The following RCAN2 variants were observed in gnomAD, a reference collection of about 807,000 sequenced individuals.
The protein encoded by RCAN2 is calcipressin-2.
Under a neutral mutation model 23.6 loss-of-function variants are expected in RCAN2, and 9 were observed. The ratio of observed to expected loss-of-function variants is 0.38; its 90% confidence interval spans 0.23 to 0.67. The LOEUF is 0.67. Among genes scored for constraint, RCAN2 ranks in the 30% least tolerant of loss-of-function variants. The pLI is 0.51. For missense variants in RCAN2, 273 were observed against 302.3 expected (o/e 0.90, Z 0.72); for synonymous variants, 109 against 115.7 (o/e 0.94, Z 0.37).
chr6:46,431,971 T>C (rs982055865), intron 2 of RCAN2, among the ~76,000 whole-genome samples: 2 of 152,236 alleles, frequency 1.3e-5, no homozygotes, highest in African/African-American at 4.8e-5. Flanking sequence ...AAATTGGATA[T>C]ATTGAAGATC....
chr6:46,435,207 G>T (rs1345244385), intron 2 of RCAN2, among the ~76,000 whole-genome samples: 1 of 152,112 alleles, frequency 6.6e-6, no homozygotes, highest in African/African-American at 2.4e-5. Flanking sequence ...GATTATATAG[G>T]ATTCCCTAAA....
At chr6:46,471,094 G>C (rs775584678) in intron 1 of RCAN2, among the ~76,000 whole-genome samples, 4 of 152,200 alleles carry the variant, frequency 2.6e-5, no homozygotes, top group Non-Finnish European at 5.9e-5. Context: ...AGGTGAGGCT[G>C]GTAAGGAAGA....
chr6:46,325,619 G>T, intron 2 of RCAN2: 2 of 1,440,992 alleles, frequency 1.4e-6, no homozygotes, highest in Non-Finnish European at 1.8e-6. Context: ...GGCTCCTGGA[G>T]CCCGCTCCCA....
intron 2 of RCAN2, among the ~76,000 whole-genome samples, chr6:46,423,113 C>T (rs1020772250): frequency 8.5e-5 from 13 of 152,102 alleles, no homozygotes; most frequent in African/African-American, 3.1e-4. Context: ...TGGGTCTAAG[C>T]ATTAGTATTA....
chr6:46,284,177 T>C (rs1186891619), intron 2 of RCAN2, among the ~76,000 whole-genome samples: 1 of 152,192 alleles, frequency 6.6e-6, no homozygotes, highest in African/African-American at 2.4e-5. Flanking sequence ...ATTTGTACCT[T>C]CTCATTGCAA....
chr6:46,250,721 A>G (rs1766682328), intron 2 of RCAN2, among the ~76,000 whole-genome samples: 4 of 152,182 alleles, frequency 2.6e-5, no homozygotes, highest in African/African-American at 9.6e-5. Context: ...ATAGGAGGAG[A>G]TGCTTATTTT....
At chr6:46,281,264 A>G (rs147471939) in intron 2 of RCAN2, among the ~76,000 whole-genome samples, 1 of 152,306 alleles carries the variant, frequency 6.6e-6, no homozygotes, top group African/African-American at 2.4e-5. Context: ...TGCCTTTATT[A>G]TAGGGGTTTG....
chr6:46,484,882 C>CACTAACACCATCAAGCCCTTAT (rs1768956376), intron 1 of RCAN2, among the ~76,000 whole-genome samples: 20 of 152,046 alleles, frequency 1.3e-4, no homozygotes, highest in Admixed American at 1.3e-3. Flanking sequence ...GGGGCTATCT[C>CACTAACACCATCAAGCCCTTAT]TGGAAAGCAC....
At chr6:46,251,427 G>T (rs1315803706) in intron 2 of RCAN2, among the ~76,000 whole-genome samples, 1 of 152,156 alleles carries the variant, frequency 6.6e-6, no homozygotes, top group African/African-American at 2.4e-5. Context: ...AAAAACTCTT[G>T]TTTCTATATA....
At chr6:46,312,610 C>T (rs1268649539) in intron 2 of RCAN2, among the ~76,000 whole-genome samples, 3 of 152,166 alleles carry the variant, frequency 2.0e-5, no homozygotes, top group Non-Finnish European at 4.4e-5. Flanking sequence ...AACAAATATG[C>T]CTGTCTCCCC....
intron 2 of RCAN2, among the ~76,000 whole-genome samples, chr6:46,365,905 T>A (rs1212042290): frequency 1.3e-5 from 2 of 152,240 alleles, no homozygotes; most frequent in Non-Finnish European, 2.9e-5. Flanking sequence ...TTGGGCATTA[T>A]GCTAGCTAGG....
intron 2 of RCAN2, among the ~76,000 whole-genome samples, chr6:46,287,843 A>G (rs1318403764): frequency 2.6e-5 from 4 of 152,136 alleles, no homozygotes; most frequent in East Asian, 1.9e-4. Flanking sequence ...CTTAAATCTC[A>G]CTTTCCTTAT....
At chr6:46,387,480 C>T (rs1051409758) in intron 2 of RCAN2, among the ~76,000 whole-genome samples, 3 of 152,178 alleles carry the variant, frequency 2.0e-5, no homozygotes, top group Admixed American at 2.0e-4. Context: ...GACATTTATG[C>T]AGCCAACAGA....
At chr6:46,412,367 C>G (rs1295030115) in intron 2 of RCAN2, among the ~76,000 whole-genome samples, 1 of 152,080 alleles carries the variant, frequency 6.6e-6, no homozygotes, top group Non-Finnish European at 1.5e-5. Flanking sequence ...GTAGACAAAT[C>G]TGAGAGTCTG....
intron 2 of RCAN2, among the ~76,000 whole-genome samples, chr6:46,260,118 G>A (rs557475676): frequency 6.6e-6 from 1 of 152,168 alleles, no homozygotes; most frequent in African/African-American, 2.4e-5. Context: ...CCTTCCCAGA[G>A]GTCAGACAGT....
chr6:46,351,078 TTATATC>T (rs1197768737), intron 2 of RCAN2, among the ~76,000 whole-genome samples: 1 of 152,222 alleles, frequency 6.6e-6, no homozygotes, highest in African/African-American at 2.4e-5. Context: ...GCTATTATCA[TTATATC>T]TATATGATCA....
chr6:46,465,076 C>T (rs573219780), intron 1 of RCAN2, among the ~76,000 whole-genome samples: 4 of 152,256 alleles, frequency 2.6e-5, no homozygotes, highest in African/African-American at 9.6e-5. Flanking sequence ...TACCAAAGGT[C>T]AGATGGGACA....
At chr6:46,252,020 T>C (rs1390283995) in intron 2 of RCAN2, among the ~76,000 whole-genome samples, 1 of 59,840 alleles carries the variant, frequency 1.7e-5, no homozygotes, top group Non-Finnish European at 4.3e-5. Context: ...TTACTCAGCA[T>C]GTCCTCTCTT....
At chr6:46,345,216 G>A (rs1249352936) in intron 2 of RCAN2, among the ~76,000 whole-genome samples, 1 of 151,988 alleles carries the variant, frequency 6.6e-6, no homozygotes, top group Non-Finnish European at 1.5e-5. Flanking sequence ...AAACCTAGAA[G>A]TGAATGCACT....
Sources: allele counts gnomAD v4.1 joint callset (sites outside exome capture counted in the v4.1 genomes callset), GRCh38; gene constraint gnomAD v4.1.1; transcripts MANE v1.5; gene names NCBI Gene and HGNC (gene_info 2026-07-23, HGNC 2026-07-21).